Variants in LHPP observed in about 807,000 individuals in gnomAD.
The protein encoded by LHPP is phospholysine phosphohistidine inorganic pyrophosphate phosphatase, also known as hLHPP.
In LHPP, 24 loss-of-function variants were observed where a neutral mutation model predicts 30.3. That is an observed-to-expected ratio of 0.79 (90% CI 0.57 to 1.11). The LOEUF (loss-of-function observed/expected upper bound fraction) is 1.11. Among genes scored for constraint, LHPP ranks in the 50% most tolerant of loss-of-function variants. The probability of loss-of-function intolerance (pLI) is 0.00; values close to 1 mark genes in which losing one functional copy is unlikely to be tolerated. For synonymous variants in LHPP, 150 were observed against 157.1 expected (o/e 0.95, Z 0.34); for missense variants, 356 against 367.2 (o/e 0.97, Z 0.25).
chr10:124,605,715 C>T (rs12771808), intron 6 of LHPP, among the ~76,000 whole-genome samples: 94,073 of 151,868 alleles, frequency 0.62, 29,481 homozygotes, highest in Non-Finnish European at 0.62. Context: ...GCTGAGGAGC[C>T]AGGCTATGAT....
In LHPP at chr10:124,488,553, G is replaced by A. The variant is rs772931660; in HGVS notation, c.445G>A (p.Val149Met). Residue 149 changes from valine to methionine, a missense_variant, in exon 3 of 7, where the codon GTG (valine) becomes ATG (methionine). Physicochemically the swap from Val to Met is conservative, Grantham distance 21 (BLOSUM62 1). Coordinates refer to ENST00000368842, the MANE Select transcript of LHPP (RefSeq NM_022126.4). The part of the protein sequence containing the change: ...FQVLMELEKP[V>M]LISLGKGRYY... ...GGTGCTCATGGAGCTGGAAAAACCT[G>A]TGCTCATATCACTGGGAAAAGGGTA... The A allele has an allele frequency of 4.3e-5, 69 of 1,613,152 alleles. No homozygotes were observed. The highest frequency in any genetic ancestry group is 5.7e-5 in the Non-Finnish European group (67 of 1,179,804).
At chr10:124,490,802 A>T (rs541871650) in intron 3 of LHPP, among the ~76,000 whole-genome samples, 4 of 152,242 alleles carry the variant, frequency 2.6e-5, no homozygotes, top group Admixed American at 2.0e-4. Flanking sequence ...GCACAGACTT[A>T]TTCTGCACAG....
At chr10:124,558,122 A>G (rs1016603402) in intron 6 of LHPP, among the ~76,000 whole-genome samples, 1 of 152,080 alleles carries the variant, frequency 6.6e-6, no homozygotes, top group Admixed American at 6.6e-5. Context: ...CTTGTGCTGC[A>G]GCTGGGCCAG....
At position 124,514,947 on chromosome 10, in the gene LHPP, G is replaced by A. The variant is rs140673617; in HGVS notation, c.625-2233G>A. On this transcript the variant is annotated intron_variant, in intron 5 of 6. Transcript: ENST00000368842. ...CTCCCAAGTAGCTGGGACTACAGGC[G>A]TGCGCCACCACATCTGGCTAATTTT... Among the ~76,000 whole-genome samples the A allele has an allele frequency of 8.4e-3, 1,275 of 152,114 alleles. 7 individuals carry two copies. The highest frequency in any genetic ancestry group is 0.015 in the Admixed American group (236 of 15,274).
chr10:124,554,931 T>C (rs1182543656), intron 6 of LHPP, among the ~76,000 whole-genome samples: 1 of 152,264 alleles, frequency 6.6e-6, no homozygotes, highest in Non-Finnish European at 1.5e-5. Flanking sequence ...TGCTGTGTGC[T>C]CTTAGCCTCT....
intron 6 of LHPP, chr10:124,554,086 C>T: frequency 6.1e-6 from 6 of 985,242 alleles, no homozygotes; most frequent in Non-Finnish European, 7.2e-6. Flanking sequence ...GCCTGGGCTG[C>T]CTGGATTCAG....
chr10:124,462,009 G>C, intron 1 of LHPP, 22 bp downstream of exon 1: 1 of 1,204,040 alleles, frequency 8.3e-7, no homozygotes, highest in Admixed American at 4.4e-5. Context: ...CCGGGACGCC[G>C]CTGGGGCCGC....
At chr10:124,587,211 TTTCA>T (rs1375033975) in intron 6 of LHPP, among the ~76,000 whole-genome samples, 2 of 151,760 alleles carry the variant, frequency 1.3e-5, no homozygotes, top group East Asian at 3.9e-4. Context: ...ATTTTTGTAT[TTTCA>T]GTAGAGATGG....
At chr10:124,551,095 C>G (rs1035381424) in intron 6 of LHPP, among the ~76,000 whole-genome samples, 1 of 152,116 alleles carries the variant, frequency 6.6e-6, no homozygotes, top group African/African-American at 2.4e-5. Context: ...AGGCCTGTCG[C>G]CATCACTGGC....
chr10:124,519,820 T>G (rs1954563012), intron 6 of LHPP, among the ~76,000 whole-genome samples: 1 of 151,978 alleles, frequency 6.6e-6, no homozygotes. Flanking sequence ...TACCACATTT[T>G]TTTTCTTTGT....
At chr10:124,522,251 C>A (rs1954628506) in intron 6 of LHPP, among the ~76,000 whole-genome samples, 1 of 152,190 alleles carries the variant, frequency 6.6e-6, no homozygotes, top group African/African-American at 2.4e-5. Context: ...CCTCACCTGG[C>A]TGGCAGGTAA....
At chr10:124,577,886 C>A (rs945396572) in intron 6 of LHPP, among the ~76,000 whole-genome samples, 4 of 152,138 alleles carry the variant, frequency 2.6e-5, no homozygotes, top group African/African-American at 7.2e-5. Flanking sequence ...AGCCCCCAGG[C>A]TCTGAGCTAC....
intron 6 of LHPP, among the ~76,000 whole-genome samples, chr10:124,547,017 T>C (rs1305074803): frequency 9.2e-6 from 1 of 108,566 alleles, no homozygotes; most frequent in East Asian, 2.7e-4. Flanking sequence ...AGGCTTCTTT[T>C]TCTGCACACA....
Position 124,473,248 on chromosome 10 carries a change from T to C in LHPP, c.126-10891T>C, listed in dbSNP as rs776713988. Among the ~76,000 whole-genome samples, 2 of 152,184 alleles carry C rather than the reference T, an allele frequency of 1.3e-5. 1 individual carries two copies. Among genetic ancestry groups the C allele is most frequent in the South Asian group, 4.1e-4 (2 of 4,826 alleles). On this transcript the variant is annotated intron_variant, in intron 1 of 6. Transcript: ENST00000368842. ...GCCCCACAACGTGCAAGAAGCCATA[T>C]TGGCAAAGCAGTGCCACACCTGCCC...
chr10:124,553,138 A>G (rs1402184965), intron 6 of LHPP, among the ~76,000 whole-genome samples: 1 of 152,244 alleles, frequency 6.6e-6, no homozygotes, highest in African/African-American at 2.4e-5. Flanking sequence ...AGGGACTCTG[A>G]TCAGGGACCC....
At chr10:124,485,788 A>G (rs1024306050) in intron 2 of LHPP, among the ~76,000 whole-genome samples, 1 of 152,010 alleles carries the variant, frequency 6.6e-6, no homozygotes, top group African/African-American at 2.4e-5. Flanking sequence ...TTTAGTAGAG[A>G]TGGGGTTTCA....
intron 6 of LHPP, among the ~76,000 whole-genome samples, chr10:124,563,308 T>TC (rs34347060): frequency 2.1e-5 from 3 of 145,730 alleles, no homozygotes; most frequent in East Asian, 4.0e-4. Context: ...TCTCTCTCTC[T>TC]TTTTCTTTTT....
At chr10:124,533,583 G>T (rs958474054) in intron 6 of LHPP, among the ~76,000 whole-genome samples, 6 of 152,200 alleles carry the variant, frequency 3.9e-5, no homozygotes, top group African/African-American at 1.4e-4. Context: ...AATAAGTAAA[G>T]GTCAAGGCCT....
At position 124,575,342 on chromosome 10, in the gene LHPP, G is replaced by A. The variant is rs74993753; in HGVS notation, c.717-37922G>A. ...AGCATCCGACAAAACCAAGCTGTCC[G>A]CATCTCCAAGGACAGGCACACTGGG... On this transcript the variant is annotated intron_variant, in intron 6 of 6. Transcript: ENST00000368842. Among the ~76,000 whole-genome samples, 781 of 152,226 alleles carry A rather than the reference G, an allele frequency of 5.1e-3. 11 individuals carry two copies. Among genetic ancestry groups the A allele is most frequent in the African/African-American group, 0.017 (720 of 41,544 alleles).
Sources: allele counts gnomAD v4.1 joint callset (sites outside exome capture counted in the v4.1 genomes callset), GRCh38; gene constraint gnomAD v4.1.1; transcripts MANE v1.5; gene names NCBI Gene and HGNC (gene_info 2026-07-23, HGNC 2026-07-21).